XKR9: variants seen among roughly 807,000 people sequenced by gnomAD.
XKR9 encodes the protein XK-related protein 9.
Under a neutral mutation model 32.0 loss-of-function variants are expected in XKR9, and 32 were observed. The ratio of observed to expected loss-of-function variants is 1.00; its 90% CI spans 0.76 to 1.34. XKR9 has a LOEUF of 1.34. Among genes scored for constraint, XKR9 ranks in the 40% most tolerant of loss-of-function variants. XKR9 has a pLI of 0.00. For missense variants in XKR9, 546 were observed against 429.7 expected (o/e 1.27, Z -2.39); for synonymous variants, 168 against 143.4 (o/e 1.17, Z -1.22).
intron 3 of XKR9, among the ~76,000 whole-genome samples, chr8:70,698,811 T>G (rs965869841): frequency 6.6e-6 from 1 of 152,128 alleles, no homozygotes; most frequent in Non-Finnish European, 1.5e-5. Context: ...TATTATTGTG[T>G]GGGAATCTAA....
intron 2 of XKR9, among the ~76,000 whole-genome samples, chr8:70,751,276 C>T (rs1031497708): frequency 1.6e-4 from 25 of 152,202 alleles, no homozygotes; most frequent in Non-Finnish European, 2.9e-5. Context: ...ATTACAGGCA[C>T]CTGCTACCAT....
the XKR9 span, among the ~76,000 whole-genome samples, chr8:70,944,108 G>A: frequency 6.6e-6 from 1 of 151,700 alleles, no homozygotes; most frequent in African/African-American, 2.4e-5. Flanking sequence ...TTAAACTTGT[G>A]CTTCTCAGAG....
chr8:71,064,355 GT>G, the XKR9 span, among the ~76,000 whole-genome samples: 8 of 152,066 alleles, frequency 5.3e-5, no homozygotes, highest in South Asian at 2.1e-4. Flanking sequence ...ATGTTATAAA[GT>G]TTTTTTAACT....
the XKR9 span, among the ~76,000 whole-genome samples, chr8:70,938,470 T>C: frequency 1.3e-5 from 2 of 151,940 alleles, no homozygotes; most frequent in African/African-American, 4.8e-5. Context: ...TTCTTCTGTG[T>C]GTTGTTTATT....
chr8:70,954,694 C>G, the XKR9 span, among the ~76,000 whole-genome samples: 1 of 152,222 alleles, frequency 6.6e-6, no homozygotes, highest in Non-Finnish European at 1.5e-5. Context: ...GCTCCTCTTA[C>G]AGCTTCACAT....
the XKR9 span, among the ~76,000 whole-genome samples, chr8:70,942,831 G>A: frequency 6.6e-6 from 1 of 152,058 alleles, no homozygotes; most frequent in Non-Finnish European, 1.5e-5. Context: ...GATGTTAGCT[G>A]TTACTAGAGT....
the XKR9 span, among the ~76,000 whole-genome samples, chr8:70,980,331 C>T: frequency 6.6e-6 from 1 of 152,206 alleles, no homozygotes; most frequent in African/African-American, 2.4e-5. Context: ...AGAAATCACA[C>T]ATCTTCTGTG....
At chr8:70,909,413 T>C in the XKR9 span, among the ~76,000 whole-genome samples, 1 of 152,184 alleles carries the variant, frequency 6.6e-6, no homozygotes, top group African/African-American at 2.4e-5. Flanking sequence ...GCCTCTTTCT[T>C]CGTGTCTGGG....
the XKR9 span, among the ~76,000 whole-genome samples, chr8:70,876,087 G>T: frequency 6.6e-6 from 1 of 152,130 alleles, no homozygotes. Context: ...TCCATACTAT[G>T]AAATAAAGCA....
At chr8:70,752,825 A>C (rs564697567) in intron 2 of XKR9, among the ~76,000 whole-genome samples, 2 of 152,344 alleles carry the variant, frequency 1.3e-5, no homozygotes, top group East Asian at 1.9e-4. Context: ...GAAAGATCAA[A>C]AATTGACACC....
intron 4 of XKR9, among the ~76,000 whole-genome samples, chr8:70,711,113 T>A (rs1805904947): frequency 6.6e-6 from 1 of 151,896 alleles, no homozygotes; most frequent in Admixed American, 6.6e-5. Context: ...TACTAAAAAG[T>A]CAAAAAATAG....
chr8:70,785,916 T>G (rs1045884460), intron 2 of XKR9, among the ~76,000 whole-genome samples: 4 of 151,924 alleles, frequency 2.6e-5, no homozygotes, highest in African/African-American at 9.7e-5. Context: ...TTTGAACTAC[T>G]GGGCTCAAGG....
At chr8:70,862,319 C>T in the XKR9 span, among the ~76,000 whole-genome samples, 1 of 152,114 alleles carries the variant, frequency 6.6e-6, no homozygotes, top group Non-Finnish European at 1.5e-5. Flanking sequence ...TTATAAGTCG[C>T]TGGTGCCTTT....
chr8:70,745,450 T>G (rs1158048336), intron 2 of XKR9, among the ~76,000 whole-genome samples: 1 of 152,208 alleles, frequency 6.6e-6, no homozygotes, highest in East Asian at 1.9e-4. Context: ...CAAATATGAA[T>G]ACTCTCCTCA....
the XKR9 span, among the ~76,000 whole-genome samples, chr8:70,954,001 A>C: frequency 6.6e-6 from 1 of 152,140 alleles, no homozygotes; most frequent in Non-Finnish European, 1.5e-5. Flanking sequence ...GAGTCGTAGC[A>C]ACTGTTGTGG....
chr8:70,982,724 A>G, the XKR9 span, among the ~76,000 whole-genome samples: 6 of 152,132 alleles, frequency 3.9e-5, no homozygotes, highest in African/African-American at 1.4e-4. Flanking sequence ...CTTTCCTGGT[A>G]TGTTCCTGCC....
the XKR9 span, among the ~76,000 whole-genome samples, chr8:70,970,538 A>C: frequency 6.6e-6 from 1 of 151,766 alleles, no homozygotes; most frequent in East Asian, 1.9e-4. Flanking sequence ...TTCATTGTTC[A>C]TCTCCCACTT....
the XKR9 span, among the ~76,000 whole-genome samples, chr8:70,911,205 C>A: frequency 6.6e-6 from 1 of 152,128 alleles, no homozygotes; most frequent in African/African-American, 2.4e-5. Context: ...TTTTAGAATC[C>A]TGCCTGCAAC....
chr8:70,805,614 C>T, the XKR9 span, among the ~76,000 whole-genome samples: 17 of 152,318 alleles, frequency 1.1e-4, no homozygotes, highest in Admixed American at 3.3e-4. Context: ...CATGTTCCCC[C>T]ACAGCCCAAC....
Sources: allele counts gnomAD v4.1 joint callset (sites outside exome capture counted in the v4.1 genomes callset), GRCh38; gene constraint gnomAD v4.1.1; transcripts MANE v1.5; gene names NCBI Gene and HGNC (gene_info 2026-07-23, HGNC 2026-07-21).